Variants in PCDHGA4 observed in about 807,000 individuals in gnomAD.
The protein encoded by PCDHGA4 is protocadherin gamma subfamily A, 4.
Under a neutral mutation model 54.6 loss-of-function variants are expected in PCDHGA4, and 38 were observed. The ratio of observed to expected loss-of-function variants is 0.70; its 90% CI spans 0.54 to 0.91. The LOEUF (loss-of-function observed/expected upper bound fraction) is 0.91. Ranked by LOEUF, PCDHGA4 falls within the 40% of genes least tolerant of loss-of-function variation. The pLI, the probability that PCDHGA4 is intolerant of heterozygous loss-of-function variation, is 0.00. For synonymous variants in PCDHGA4, 511 were observed against 512.9 expected (o/e 1.00, Z 0.05); for missense variants, 1,298 against 1,220.9 (o/e 1.06, Z -0.94).
Position 141,356,428 on chromosome 5 carries a change from C to A in PCDHGA4, c.1321C>A (p.Leu441Met). The change falls in exon 1 of 4, where the codon CTG becomes ATG. Residue 441 changes from leucine (L) to methionine (M), a missense_variant. Coordinates refer to ENST00000571252, the MANE Select transcript of PCDHGA4 (RefSeq NM_018917.4). ...TTATCGGTTGTTGACACACAGAACA[C>A]TGGACAGGGAAGAAGTCTCAGAATA... ...NYYRLLTHRT[L>M]DREEVSEYNI... is the part of the protein sequence containing the mutation. The A allele has an allele frequency of 6.8e-6, 11 of 1,608,476 alleles. No individual in the cohort carries two copies. Among genetic ancestry groups the A allele is most frequent in the Non-Finnish European group, 8.5e-6 (10 of 1,176,854 alleles).
chr5:141,395,542 T>TTGTTTG lies in PCDHGA4; in HGVS notation c.2514+37924_2514+37925insTTGTGT, dbSNP rs1267535064. On this transcript the variant is annotated intron_variant, in intron 1 of 3. Coordinates refer to ENST00000571252, the MANE Select transcript of PCDHGA4 (RefSeq NM_018917.4). ...TCCATACTGGTAATTTTGCTATTGTTTGTGTGTGTGTGTGTGTGTGTGTGT... is the reference window on the plus strand; with the variant it reads ...TCCATACTGGTAATTTTGCTATTGTTTGTTTGTGTGTGTGTGTGTGTGTGTGTGTGT... 2.4e-3 allele frequency: 418 copies of TTGTTTG among 172,622 alleles called. 4 individuals carry two copies. The highest frequency in any genetic ancestry group is 0.019 in the African/African-American group (326 of 17,544). The allele number at this position is 172,622 out of a possible 1,614,324, so 10.7% of individuals were successfully genotyped here.
intron 1 of PCDHGA4, chr5:141,419,057 A>T: frequency 6.2e-7 from 1 of 1,613,900 alleles, no homozygotes; most frequent in East Asian, 2.2e-5. Flanking sequence ...TTCTTCTAAT[A>T]ATTACTACAA....
At chr5:141,472,998 GAAAGAA>G (rs1489589280) in intron 1 of PCDHGA4, among the ~76,000 whole-genome samples, 8 of 134,744 alleles carry the variant, frequency 5.9e-5, no homozygotes, top group South Asian at 2.3e-4. Flanking sequence ...AAAAAAAAAA[GAAAGAA>G]AAAGAAAAAG....
chr5:141,470,021 C>T (rs111919483), intron 1 of PCDHGA4, among the ~76,000 whole-genome samples: 8 of 152,156 alleles, frequency 5.3e-5, no homozygotes, highest in African/African-American at 1.9e-4. Flanking sequence ...CCCAGCTACT[C>T]GGGATGCTGA....
intron 1 of PCDHGA4, chr5:141,428,594 G>T (rs1317075888): frequency 4.4e-6 from 1 of 227,916 alleles, no homozygotes; most frequent in Admixed American, 5.2e-5. Context: ...CTGGTAGCAA[G>T]CTTCACTGAA....
chr5:141,414,289 C>T (rs1435700383), intron 1 of PCDHGA4: 1 of 1,613,394 alleles, frequency 6.2e-7, no homozygotes, highest in African/African-American at 1.3e-5. Flanking sequence ...AGTCGTAGCC[C>T]TTTTAAATGT....
At chr5:141,421,578 T>C in intron 1 of PCDHGA4, 4 of 1,613,886 alleles carry the variant, frequency 2.5e-6, no homozygotes, top group Non-Finnish European at 3.4e-6. Flanking sequence ...CCTTGAAGAT[T>C]TACGGAGTGG....
chr5:141,468,055 T>G (rs2099156893), intron 1 of PCDHGA4, among the ~76,000 whole-genome samples: 1 of 152,096 alleles, frequency 6.6e-6, no homozygotes, highest in Admixed American at 6.5e-5. Flanking sequence ...CCGGGCACAG[T>G]GGCTCACACC....
At chr5:141,396,826 T>C (rs2150684125) in intron 1 of PCDHGA4, among the ~76,000 whole-genome samples, 1 of 152,342 alleles carries the variant, frequency 6.6e-6, no homozygotes, top group South Asian at 2.1e-4. Flanking sequence ...ATGGTGCATA[T>C]TCAGTGGAGT....
At chr5:141,430,384 A>G (rs547268242) in intron 1 of PCDHGA4, among the ~76,000 whole-genome samples, 32 of 122,116 alleles carry the variant, frequency 2.6e-4, no homozygotes, top group East Asian at 6.6e-4. Context: ...GCTCATTGGG[A>G]AAAAAAAAAA....
intron 1 of PCDHGA4, among the ~76,000 whole-genome samples, chr5:141,460,922 ATATGTGTGTGTG>A: frequency 6.6e-6 from 1 of 151,042 alleles, no homozygotes; most frequent in Non-Finnish European, 1.5e-5. Context: ...GTATATATAT[ATATGTGTGTGTG>A]TATATATATG....
Position 141,393,140 on chromosome 5 carries a change from G to A in PCDHGA4, c.2514+35519G>A, listed in dbSNP as rs756948310. The A allele has an allele frequency of 1.9e-6, 3 of 1,613,260 alleles. No individual in the cohort carries two copies. In the South Asian group the frequency reaches 3.3e-5, roughly 18 times the overall value. ...GGTGTCTGATAAATATTAACACCCT[G>A]GTTGAGGATAAAGGAAAACTCTTTG... On this transcript the variant is annotated intron_variant, in intron 1 of 3. Coordinates refer to ENST00000571252, the MANE Select transcript of PCDHGA4 (RefSeq NM_018917.4).
intron 1 of PCDHGA4, chr5:141,372,696 C>T: frequency 6.2e-7 from 1 of 1,613,994 alleles, no homozygotes; most frequent in Non-Finnish European, 8.5e-7. Context: ...GTTTAAATTT[C>T]TCAATATAAA....
intron 1 of PCDHGA4, chr5:141,423,553 T>G: frequency 2.5e-6 from 4 of 1,613,548 alleles, no homozygotes; most frequent in Non-Finnish European, 3.4e-6. Flanking sequence ...CCAGCCCAAC[T>G]ATGGGGACAC....
At chr5:141,428,024 A>G (rs2097101613) in intron 1 of PCDHGA4, 1 of 1,606,106 alleles carries the variant, frequency 6.2e-7, no homozygotes, top group African/African-American at 1.3e-5. Context: ...CACGCGCCGC[A>G]GAGTCCGGCT....
chr5:141,421,945 AT>A (rs1473318347), intron 1 of PCDHGA4: 1 of 1,613,342 alleles, frequency 6.2e-7, no homozygotes, highest in Non-Finnish European at 8.5e-7. Flanking sequence ...AAATGATCAC[AT>A]CCCAATGTTT....
chr5:141,475,343 G>A (rs1425482944), intron 1 of PCDHGA4, among the ~76,000 whole-genome samples: 1 of 152,178 alleles, frequency 6.6e-6, no homozygotes, highest in Non-Finnish European at 1.5e-5. Flanking sequence ...ATGACATCCA[G>A]TTTTAAAAGA....
rs1561869034 is a variant in PCDHGA4 at position 141,433,357 on chromosome 5, G to GT, written c.2515-61450_2515-61449insT. On this transcript the variant is annotated intron_variant, in intron 1 of 3. Transcript: ENST00000571252. ...TACAGGTGCAAGCCACCTACTGTCT[G>GT]CCTATCTATCTATCTATCTATCTAT... 125 of 569,056 alleles carry GT rather than the reference G, an allele frequency of 2.2e-4. No homozygotes were observed. In the African/African-American group the frequency reaches 2.4e-3, roughly 11 times the overall value. The allele number at this position is 569,056 out of a possible 1,614,324, so 35.3% of individuals were successfully genotyped here. A position where few individuals can be genotyped will look rare whatever the true frequency, so the allele number is the denominator to read the frequency against.
At chr5:141,510,799 C>G in intron 3 of PCDHGA4, 148 bp from the exon 4 acceptor site, 1 of 1,481,460 alleles carries the variant, frequency 6.8e-7, no homozygotes. Context: ...TGAAGAGAGA[C>G]TACCTTGGTG....
Sources: allele counts gnomAD v4.1 joint callset (sites outside exome capture counted in the v4.1 genomes callset), GRCh38; gene constraint gnomAD v4.1.1; transcripts MANE v1.5; gene names NCBI Gene and HGNC (gene_info 2026-07-23, HGNC 2026-07-21).